Variants in CCDC127 observed in about 807,000 individuals in gnomAD.
The protein encoded by CCDC127 is coiled-coil domain containing 127.
Under a neutral mutation model 4.1 loss-of-function variants are expected in CCDC127, and 2 were observed. The observed-to-expected ratio is 0.49, with a 90% CI of 0.20 to 1.53. The LOEUF (loss-of-function observed/expected upper bound fraction) is 1.53, where lower values mean the gene tolerates loss of function less well. CCDC127 is among the 40% of genes most tolerant of loss of function. The pLI, the probability that CCDC127 is intolerant of heterozygous loss-of-function variation, is 0.23. For missense variants in CCDC127, 271 were observed against 322.9 expected (o/e 0.84, Z 1.23); for synonymous variants, 98 against 120.4 (o/e 0.81, Z 1.22).
At chr5:213,095 C>A (rs371778347) in intron 2 of CCDC127, among the ~76,000 whole-genome samples, 1 of 40,064 alleles carries the variant, frequency 2.5e-5, no homozygotes. Flanking sequence ...CTCGACATCG[C>A]ACACTGCAGC....
intron 2 of CCDC127, among the ~76,000 whole-genome samples, chr5:207,489 G>A (rs1399390265): frequency 1.3e-5 from 2 of 152,202 alleles, no homozygotes; most frequent in African/African-American, 4.8e-5. Flanking sequence ...TTCCTAAAAA[G>A]GTGAATGAAC....
chr5:208,128 G>A (rs1010446620), intron 2 of CCDC127, among the ~76,000 whole-genome samples: 1 of 152,166 alleles, frequency 6.6e-6, no homozygotes, highest in Non-Finnish European at 1.5e-5. Flanking sequence ...AGTTTCCGGT[G>A]AGACTCCTGC....
intron 2 of CCDC127, among the ~76,000 whole-genome samples, chr5:207,743 A>C (rs1270263525): frequency 6.6e-6 from 1 of 151,694 alleles, no homozygotes; most frequent in Non-Finnish European, 1.5e-5. Context: ...GAGGAGTCAA[A>C]GGAATTAACG....
chr5:208,529 G>A (rs1734220482), intron 2 of CCDC127, among the ~76,000 whole-genome samples: 1 of 152,264 alleles, frequency 6.6e-6, no homozygotes, highest in Non-Finnish European at 1.5e-5. Context: ...GGCAAAGGCT[G>A]GATGGAGCTG....
chr5:205,006 C>A lies in CCDC127; in HGVS notation c.*291G>T. The A allele has an allele frequency of 3.6e-6, 1 of 277,010 alleles. No homozygotes were observed. The allele number at this position is 277,010 out of a possible 1,614,324, so 17.2% of individuals were successfully genotyped here. ...TTGACTTTTTAAAAAACCATTTTTA[C>A]CCTGGAGCTAAAATACGAGGTTATA... is the stretch of plus-strand genomic sequence containing the variant. On this transcript the variant is annotated 3_prime_UTR_variant, in exon 3 of 3. Transcript: ENST00000296824.
chr5:205,995 G>C, intron 2 of CCDC127, 37 bp from the exon 3 acceptor site: 1 of 1,552,796 alleles, frequency 6.4e-7, no homozygotes, highest in Non-Finnish European at 8.7e-7. Flanking sequence ...TAATGAAAAA[G>C]TTAGGGCTGA....
chr5:198,746 A>G lies in CCDC127; in HGVS notation c.*6551T>C, dbSNP rs116744987. On this transcript the variant is annotated 3_prime_UTR_variant, in exon 3 of 3. Transcript: ENST00000296824. The stretch of plus-strand genomic sequence containing the variant: ...TTCGCTGGGTCTTTGTCCTCGCCCA[A>G]TCTTGTGACTCCAGTCCTGGGTCGC... 1,684 of 152,378 alleles carry G rather than the reference A, an allele frequency of 0.011. 43 individuals are homozygous for G. The highest frequency in any genetic ancestry group is 0.037 in the African/African-American group (1,538 of 41,572). The allele number at this position is 152,378 out of a possible 1,614,324, so 9.4% of individuals were successfully genotyped here. A position where few individuals can be genotyped will look rare whatever the true frequency, so the allele number is the denominator to read the frequency against.
At position 201,595 on chromosome 5, in the gene CCDC127, A is replaced by G. The variant is rs1171976925; in HGVS notation, c.*3702T>C. 1 of 152,240 alleles carries G rather than the reference A, an allele frequency of 6.6e-6. No individual in the cohort carries two copies. The highest frequency in any genetic ancestry group is 2.4e-5 in the African/African-American group (1 of 41,464). 9.4% of individuals were successfully genotyped at this position (152,240 alleles called of 1,614,324 possible). ...GCAAATTATATATCCTTATGGATGA[A>G]TAAGCGCAAAGGAGGAAAAAGCGCA... On this transcript the variant is annotated 3_prime_UTR_variant, in exon 3 of 3. Coordinates refer to ENST00000296824, the MANE Select transcript of CCDC127 (RefSeq NM_145265.3).
Position 203,345 on chromosome 5 carries a change from T to G in CCDC127, c.*1952A>C, listed in dbSNP as rs1734107297. 6.6e-6 allele frequency: 1 copy of G among 151,772 alleles called. No individual in the cohort carries two copies. The highest frequency in any genetic ancestry group is 6.6e-5 in the Admixed American group (1 of 15,250). The allele number at this position is 151,772 out of a possible 1,614,324, so 9.4% of individuals were successfully genotyped here. On this transcript the variant is annotated 3_prime_UTR_variant, in exon 3 of 3. Transcript: ENST00000296824. ...AAGAAGAGAAGCATCTGAGCACCCT[T>G]AGCCATCACACCACTGCACTCCTGC...
rs1310732017 is a variant in CCDC127 at position 196,979 on chromosome 5, C to T, written c.*8318G>A. The T allele has an allele frequency of 1.3e-5, 2 of 150,434 alleles. No homozygotes were observed. Among genetic ancestry groups the T allele is most frequent in the African/African-American group, 4.9e-5 (2 of 40,754 alleles). The allele number at this position is 150,434 out of a possible 1,614,324, so 9.3% of individuals were successfully genotyped here. ...TTTATTATTATTTTCATTATTTCAG[C>T]AAAAAGGAATGTAGTAGGAGAGCAG... On this transcript the variant is annotated 3_prime_UTR_variant, in exon 3 of 3. Transcript: ENST00000296824.
rs1734128445 is a variant in CCDC127 at position 204,427 on chromosome 5, G to A, written c.*870C>T. 1 of 152,366 alleles carries A rather than the reference G, an allele frequency of 6.6e-6. No individual in the cohort carries two copies. Among genetic ancestry groups the A allele is most frequent in the East Asian group, 1.9e-4 (1 of 5,196 alleles). 9.4% of individuals were successfully genotyped at this position (152,366 alleles called of 1,614,324 possible). On this transcript the variant is annotated 3_prime_UTR_variant, in exon 3 of 3. Transcript: ENST00000296824. ...AGCTATGTGTGACATGGGGTGATAA[G>A]TGCCTGTCTACCTTGTTGGCTGTGG...
chr5:207,624 G>A (rs371752759), intron 2 of CCDC127, among the ~76,000 whole-genome samples: 2 of 152,188 alleles, frequency 1.3e-5, no homozygotes, highest in South Asian at 2.1e-4. Context: ...CTGGGGACGG[G>A]GCTTATGTCA....
At position 197,287 on chromosome 5, in the gene CCDC127, GA is replaced by G. The variant is rs1267140728; in HGVS notation, c.*8009del. The G allele has an allele frequency of 3.3e-5, 5 of 152,170 alleles. No individual in the cohort carries two copies. Among genetic ancestry groups the G allele is most frequent in the African/African-American group, 9.7e-5 (4 of 41,438 alleles). 9.4% of individuals were successfully genotyped at this position (152,170 alleles called of 1,614,324 possible). A position where few individuals can be genotyped will look rare whatever the true frequency, so the allele number is the denominator to read the frequency against. ...TCCCAGCGGCGAGCAGGAGACAGTGGACTTCTCTCTCTCAACTGCAAGAGGC... is the reference window on the plus strand; with the variant it reads ...TCCCAGCGGCGAGCAGGAGACAGTGGCTTCTCTCTCTCAACTGCAAGAGGC... On this transcript the variant is annotated 3_prime_UTR_variant, in exon 3 of 3. Coordinates refer to ENST00000296824, the MANE Select transcript of CCDC127 (RefSeq NM_145265.3).
rs1734134479 is a variant in CCDC127 at position 204,721 on chromosome 5, A to C, written c.*576T>G. The stretch of plus-strand genomic sequence containing the variant: ...CAAACACACATTAGGTAACAACTGC[A>C]TACAACAAACACACATTAAGTAACA... On this transcript the variant is annotated 3_prime_UTR_variant, in exon 3 of 3. Coordinates refer to ENST00000296824, the MANE Select transcript of CCDC127 (RefSeq NM_145265.3). 6.6e-6 allele frequency: 1 copy of C among 152,364 alleles called. No individual in the cohort carries two copies. The highest frequency in any genetic ancestry group is 2.4e-5 in the African/African-American group (1 of 41,464). The allele number at this position is 152,364 out of a possible 1,614,324, so 9.4% of individuals were successfully genotyped here.
At chr5:206,044 G>C (rs1401685104) in intron 2 of CCDC127, 86 bp from the exon 3 acceptor site, 1 of 1,256,284 alleles carries the variant, frequency 8.0e-7, no homozygotes, top group Non-Finnish European at 1.1e-6. Flanking sequence ...GGCAGCTAAG[G>C]ATAGTGTTTC....
intron 2 of CCDC127, among the ~76,000 whole-genome samples, chr5:208,822 C>G (rs937390302): frequency 8.5e-5 from 13 of 152,322 alleles, no homozygotes; most frequent in African/African-American, 3.1e-4. Flanking sequence ...TGTTTCAGCA[C>G]GTAATGCCCC....
rs1414209147 is a variant in CCDC127, at chr5:196,967, TCA to T, written c.*8328_*8329del. ...GTTCCCTCAGTTTTTATTATTATTT[TCA>T]TTATTTCAGCAAAAAGGAATGTAGT... On this transcript the variant is annotated 3_prime_UTR_variant, in exon 3 of 3. Transcript: ENST00000296824. The T allele has an allele frequency of 6.2e-5, 9 of 145,922 alleles. No homozygotes were observed. The highest frequency in any genetic ancestry group is 2.3e-4 in the African/African-American group (9 of 39,672). The allele number at this position is 145,922 out of a possible 1,614,324, so 9.0% of individuals were successfully genotyped here. A position where few individuals can be genotyped will look rare whatever the true frequency, so the allele number is the denominator to read the frequency against.
Position 201,353 on chromosome 5 carries a change from C to A in CCDC127, c.*3944G>T, listed in dbSNP as rs1399018957. ...GAGATGATCTTAGTACACTATGAAG[C>A]AATCACTTTTTAAACAATCCAACAC... On this transcript the variant is annotated 3_prime_UTR_variant, in exon 3 of 3. Coordinates refer to ENST00000296824, the MANE Select transcript of CCDC127 (RefSeq NM_145265.3). 2.0e-5 allele frequency: 3 copies of A among 152,208 alleles called. No individual in the cohort carries two copies. Among genetic ancestry groups the A allele is most frequent in the African/African-American group, 7.2e-5 (3 of 41,436 alleles). 9.4% of individuals were successfully genotyped at this position (152,208 alleles called of 1,614,324 possible).
Position 205,117 on chromosome 5 carries a change from C to G in CCDC127, c.*180G>C, listed in dbSNP as rs1734142531. On this transcript the variant is annotated 3_prime_UTR_variant, in exon 3 of 3. Transcript: ENST00000296824. The stretch of plus-strand genomic sequence containing the variant: ...AGCGGCAGAGCATCGGGAGGAGACC[C>G]TCTGTCTCTGAGGCTTCGGTGCACT... 1.7e-5 allele frequency: 10 copies of G among 582,984 alleles called. No individual in the cohort carries two copies. The East Asian group carries it at 2.8e-4, about 16-fold the overall frequency. 36.1% of individuals were successfully genotyped at this position (582,984 alleles called of 1,614,324 possible). A position where few individuals can be genotyped will look rare whatever the true frequency, so the allele number is the denominator to read the frequency against.
Sources: gnomAD v4.1 joint callset for allele counts (sites outside exome capture counted in the v4.1 genomes callset) on GRCh38, gnomAD v4.1.1 for gene constraint, MANE v1.5 for transcripts, NCBI Gene and HGNC (gene_info 2026-07-23, HGNC 2026-07-21) for gene names.